The following POLR2B variants were observed in gnomAD, a reference collection of about 807,000 sequenced individuals.
POLR2B encodes the protein RNA polymerase II subunit B.
Under a neutral mutation model 144.6 loss-of-function variants are expected in POLR2B, and 57 were observed. The ratio of observed to expected loss-of-function variants is 0.39; its 90% CI spans 0.32 to 0.49. The LOEUF (loss-of-function observed/expected upper bound fraction) is 0.49. POLR2B is among the 20% of genes least tolerant of loss of function. The pLI is 0.83. For synonymous variants in POLR2B, 442 were observed against 469.8 expected (o/e 0.94, Z 0.77); for missense variants, 595 against 1,467.4 (o/e 0.41, Z 9.71).
chr4:56,986,321 T>C (rs1195385020), intron 1 of POLR2B, 33 bp from the exon 2 acceptor site: 2 of 1,311,366 alleles, frequency 1.5e-6, no homozygotes, highest in Admixed American at 1.7e-5. Context: ...TGGCATCTCA[T>C]TGCAAATGAG....
chr4:57,023,827 C>A lies in POLR2B; in HGVS notation c.2856+76C>A. 1 of 1,016,504 alleles carries A rather than the reference C, an allele frequency of 9.8e-7. No homozygotes were observed. The highest frequency in any genetic ancestry group is 1.5e-6 in the Non-Finnish European group (1 of 678,222). 63.0% of individuals were successfully genotyped at this position (1,016,504 alleles called of 1,614,324 possible). On this transcript the variant is annotated intron_variant, in intron 20 of 24. Coordinates refer to ENST00000314595, the MANE Select transcript of POLR2B (RefSeq NM_000938.3). This position sits in a 1 kb window ranked among gnomAD's most constrained non-coding sequence, Gnocchi z 4.3. Reference sequence around the variant, plus strand: ...TTTTTTTAATCAAAATTTGCTTTAACTTAAGAGCTCAAAGATGATACAGGT... The same window carrying A: ...TTTTTTTAATCAAAATTTGCTTTAAATTAAGAGCTCAAAGATGATACAGGT...
chr4:56,995,473 A>G (rs933974152), intron 6 of POLR2B, 64 bp downstream of exon 6: 2 of 1,222,570 alleles, frequency 1.6e-6, no homozygotes, highest in South Asian at 3.4e-5. Context: ...AATTTACTAG[A>G]CTGCCTTCTT....
chr4:56,992,065 C>CT (rs1268989142), intron 3 of POLR2B, among the ~76,000 whole-genome samples: 1 of 151,938 alleles, frequency 6.6e-6, no homozygotes, highest in Non-Finnish European at 1.5e-5. Flanking sequence ...GAGTAGATCT[C>CT]TAACACCTAG....
intron 3 of POLR2B, 144 bp from the exon 4 acceptor site, chr4:56,994,260 G>A: frequency 1.7e-6 from 1 of 586,798 alleles, no homozygotes; most frequent in South Asian, 2.3e-5. Context: ...ACTTTGGGAA[G>A]TCCCCATTTC....
At chr4:57,001,178 A>G (rs1260398740) in intron 7 of POLR2B, among the ~76,000 whole-genome samples, 1 of 151,150 alleles carries the variant, frequency 6.6e-6, no homozygotes, top group Non-Finnish European at 1.5e-5. Flanking sequence ...CCTTGGCCTT[A>G]TTTTTTTTGG....
rs138605282 is a variant in POLR2B, at chr4:56,989,536, C to T, written c.93-1212C>T. On this transcript the variant is annotated intron_variant, in intron 2 of 24. Transcript: ENST00000314595. ...AATTTGTTGGCCTGTCACTGATGTGCGAGGTGACCTGATGAAGCCAAAATG... is the reference window on the plus strand; with the variant it reads ...AATTTGTTGGCCTGTCACTGATGTGTGAGGTGACCTGATGAAGCCAAAATG... Among the ~76,000 whole-genome samples the T allele has an allele frequency of 2.8e-3, 428 of 152,262 alleles. 1 individual carries two copies. Among genetic ancestry groups the T allele is most frequent in the Middle Eastern group, 0.01 (3 of 294 alleles).
intron 2 of POLR2B, among the ~76,000 whole-genome samples, chr4:56,990,382 T>C (rs1278406398): frequency 7.2e-5 from 11 of 152,172 alleles, no homozygotes; most frequent in Non-Finnish European, 1.3e-4. Context: ...CATGCCACCA[T>C]GCCTGGCTAA....
intron 3 of POLR2B, among the ~76,000 whole-genome samples, chr4:56,992,233 C>T (rs1037227760): frequency 6.6e-5 from 10 of 151,634 alleles, no homozygotes; most frequent in South Asian, 4.2e-4. Context: ...GAGGCCGAGG[C>T]GGGCAGATCA....
chr4:56,990,868 T>C lies in POLR2B; in HGVS notation c.213T>C (p.Ala71=). The stretch of plus-strand genomic sequence containing the variant: ...CTCCTATAGACCTACAGGCTGAAGC[T>C]CAGCATGCTAGTGGAGAAGTTGAAG... ...DAPPIDLQAE[A]QHASGEVEEP... The change falls in exon 3 of 25, where the codon GCT becomes GCC. Residue 71 remains alanine, a synonymous_variant. Transcript: ENST00000314595. The C allele has an allele frequency of 6.2e-7, 1 of 1,613,076 alleles. No individual in the cohort carries two copies. The highest frequency in any genetic ancestry group is 8.5e-7 in the Non-Finnish European group (1 of 1,179,652).
rs560125372 is a variant in POLR2B at position 57,001,909 on chromosome 4, A to C, written c.900+2128A>C. ...CTTTGTCACAGATTTTGCAGGCTAA[A>C]TCTTTGTCACAAAGTTAGAACAGGG... On this transcript the variant is annotated intron_variant, in intron 7 of 24. Coordinates refer to ENST00000314595, the MANE Select transcript of POLR2B (RefSeq NM_000938.3). 2.0e-5 allele frequency among the ~76,000 whole-genome samples: 3 copies of C among 152,338 alleles called. No homozygotes were observed. In the South Asian group the frequency reaches 6.2e-4, roughly 32 times the overall value.
chr4:57,024,832 T>A, intron 21 of POLR2B, 54 bp from the exon 22 acceptor site: 1 of 864,470 alleles, frequency 1.2e-6, no homozygotes, highest in Non-Finnish European at 1.9e-6. Flanking sequence ...GATATGACTT[T>A]TAGGGGGAGA....
chr4:57,000,790 G>T (rs1476946187), intron 7 of POLR2B, among the ~76,000 whole-genome samples: 3 of 151,476 alleles, frequency 2.0e-5, no homozygotes, highest in African/African-American at 7.3e-5. Context: ...CCGTCTCCCA[G>T]GTTCAAGTGA....
At chr4:57,014,636 G>A (rs1182590196) in intron 13 of POLR2B, among the ~76,000 whole-genome samples, 15 of 151,296 alleles carry the variant, frequency 9.9e-5, no homozygotes, top group Non-Finnish European at 1.6e-4. Context: ...CTGAGTAGCC[G>A]GGACTACAGG....
In POLR2B at chr4:56,992,492, A is replaced by AAAAAAG. The variant is rs760090936; in HGVS notation, c.243+1594_243+1595insAAAAAG. 4.9e-4 allele frequency among the ~76,000 whole-genome samples: 43 copies of AAAAAAG among 88,506 alleles called. 7 individuals are homozygous for AAAAAAG. Among genetic ancestry groups the AAAAAAG allele is most frequent in the South Asian group, 3.9e-3 (9 of 2,330 alleles). The allele number at this position is 88,506 out of a possible 152,430, so 58.1% of individuals were successfully genotyped here. A position where few individuals can be genotyped will look rare whatever the true frequency, so the allele number is the denominator to read the frequency against. The stretch of plus-strand genomic sequence containing the variant: ...AAAAAAAAAAAAAAAAAAAAAAAAA[A>AAAAAAG]GAAAAGAAAATACTTGGTGTATTTA... On this transcript the variant is annotated intron_variant, in intron 3 of 24. Coordinates refer to ENST00000314595, the MANE Select transcript of POLR2B (RefSeq NM_000938.3).
At chr4:57,030,479 G>A in intron 24 of POLR2B, 80 bp downstream of exon 24, 1 of 1,011,868 alleles carries the variant, frequency 9.9e-7, no homozygotes, top group Non-Finnish European at 1.4e-6. Flanking sequence ...GAATTAGTGT[G>A]GCAGAACAGA....
Position 57,023,291 on chromosome 4 carries a change from T to C in POLR2B, c.2516-39T>C, listed in dbSNP as rs1310839177. 2 of 1,607,704 alleles carry C rather than the reference T, an allele frequency of 1.2e-6. No homozygotes were observed. The highest frequency in any genetic ancestry group is 1.7e-6 in the Non-Finnish European group (2 of 1,175,728). ...TCATGTATGTGGTTTTTAATCTTTG[T>C]TGGGGATTATGTGACATTCCGTGTC... On this transcript the variant is annotated intron_variant, in intron 18 of 24. Transcript: ENST00000314595. This position sits in a 1 kb window ranked among gnomAD's most constrained non-coding sequence, Gnocchi z 4.3.
intron 6 of POLR2B, among the ~76,000 whole-genome samples, chr4:56,995,929 TC>T (rs1028281491): frequency 6.6e-6 from 1 of 152,172 alleles, no homozygotes; most frequent in African/African-American, 2.4e-5. Context: ...GGTAGCAACA[TC>T]CTGTCATTTT....
At position 57,010,450 on chromosome 4, in the gene POLR2B, A is replaced by G. The variant is rs1723156846; in HGVS notation, c.1494A>G (p.Pro498=). 1.9e-6 allele frequency: 3 copies of G among 1,613,980 alleles called. No individual in the cohort carries two copies. Among genetic ancestry groups the G allele is most frequent in the Non-Finnish European group, 2.5e-6 (3 of 1,180,004 alleles). ...PIGRDGKLAK[P]RQLHNTLWGM... is the part of the protein sequence containing the mutation. ...GTAGAGACGGCAAGCTAGCAAAACCAAGACAGTTGCATAATACGTTGTGGG... is the reference window on the plus strand; with the variant it reads ...GTAGAGACGGCAAGCTAGCAAAACCGAGACAGTTGCATAATACGTTGTGGG... Residue 498 remains proline, a synonymous_variant, in exon 11 of 25, where the codon CCA becomes CCG. Coordinates refer to ENST00000314595, the MANE Select transcript of POLR2B (RefSeq NM_000938.3).
Position 56,978,958 on chromosome 4 carries a change from G to A in POLR2B, c.-28G>A, listed in dbSNP as rs766000441. On this transcript the variant is annotated 5_prime_UTR_variant, in exon 1 of 25. Transcript: ENST00000314595. ...CGGTTTTTGTCTTTTGATTTCAAGA[G>A]TTAGGAGCTCGAGAACCGTTTGGCA... 4.3e-6 allele frequency: 7 copies of A among 1,612,934 alleles called. No individual in the cohort carries two copies. The highest frequency in any genetic ancestry group is 8.5e-7 in the Non-Finnish European group (1 of 1,179,028).
Sources: gnomAD v4.1 joint callset for allele counts (sites outside exome capture counted in the v4.1 genomes callset) on GRCh38, gnomAD v4.1.1 for gene constraint, Gnocchi (gnomAD v3.1) non-coding constraint, MANE v1.5 for transcripts, NCBI Gene and HGNC (gene_info 2026-07-23, HGNC 2026-07-21) for gene names.